HERC1: variants seen among roughly 807,000 people sequenced by gnomAD.
HERC1 encodes the protein probable E3 ubiquitin-protein ligase HERC1.
In HERC1, 160 loss-of-function variants were observed where a neutral mutation model predicts 554.3. The ratio of observed to expected loss-of-function variants is 0.29; its 90% CI spans 0.25 to 0.33. The LOEUF (loss-of-function observed/expected upper bound fraction) is 0.33, where lower values mean the gene tolerates loss of function less well. Among genes scored for constraint, HERC1 ranks in the 10% least tolerant of loss-of-function variants. The pLI, the probability that HERC1 is intolerant of heterozygous loss-of-function variation, is 1.00. For synonymous variants in HERC1, 2,175 were observed against 2,131.7 expected, an observed-to-expected ratio of 1.02 and a Z score of -0.56; for missense variants, 4,919 against 5,918.5, an observed-to-expected ratio of 0.83 and a Z score of 5.54.
Position 63,756,506 on chromosome 15 carries a change from C to G in HERC1, c.1464G>C (p.Gly488=), listed in dbSNP as rs1218914004. The part of the protein sequence containing the change: ...EVFSWGDGDY[G]KLGHGNSSTQ... ...TTGAACTATTTCCATGCCCCAGTTT[C>G]CCATAATCACCATCTCCCCAACTGA... Residue 488 remains glycine, a synonymous_variant, in exon 5 of 78, where the codon GGG becomes GGC. Coordinates refer to ENST00000443617, the MANE Select transcript of HERC1 (RefSeq NM_003922.4). This position sits in a 1 kb window ranked among gnomAD's most constrained non-coding sequence, Gnocchi z 5.0. The G allele has an allele frequency of 2.5e-6, 4 of 1,613,858 alleles. No individual in the cohort carries two copies. The highest frequency in any genetic ancestry group is 2.5e-6 in the Non-Finnish European group (3 of 1,179,856).
chr15:63,824,984 T>C (rs928262727), intron 1 of HERC1, among the ~76,000 whole-genome samples: 1 of 151,776 alleles, frequency 6.6e-6, no homozygotes, highest in African/African-American at 2.4e-5. Context: ...TGCAGTTATG[T>C]AGGATGAATA....
chr15:63,619,961 A>AT (rs1488097853), intron 74 of HERC1, among the ~76,000 whole-genome samples: 20 of 152,056 alleles, frequency 1.3e-4, no homozygotes, highest in Non-Finnish European at 2.8e-4. Flanking sequence ...GGATTCATTG[A>AT]TTTTTTGAAG....
At chr15:63,657,206 T>C (rs1344703610) in intron 48 of HERC1, among the ~76,000 whole-genome samples, 1 of 152,096 alleles carries the variant, frequency 6.6e-6, no homozygotes, top group Admixed American at 6.6e-5. Flanking sequence ...TTTTAAATGT[T>C]TGCCATTCTT....
At chr15:63,773,540 A>T (rs1164424714) in intron 2 of HERC1, among the ~76,000 whole-genome samples, 3 of 147,382 alleles carry the variant, frequency 2.0e-5, no homozygotes, top group Admixed American at 6.8e-5. Context: ...TTTGTATTTT[A>T]TTTTTTTTTA....
chr15:63,686,671 G>A, intron 33 of HERC1, 136 bp from the exon 34 acceptor site: 2 of 672,372 alleles, frequency 3.0e-6, no homozygotes, highest in South Asian at 2.1e-5. Flanking sequence ...CAGGGCAACA[G>A]GAACACAATG....
intron 74 of HERC1, among the ~76,000 whole-genome samples, chr15:63,622,431 C>G (rs145658811): frequency 1.4e-5 from 2 of 147,494 alleles, no homozygotes; most frequent in Non-Finnish European, 3.0e-5. Context: ...GGGTTCAAAT[C>G]AAGTGATTCT....
At chr15:63,789,664 G>A (rs2076571392) in intron 1 of HERC1, among the ~76,000 whole-genome samples, 1 of 151,626 alleles carries the variant, frequency 6.6e-6, no homozygotes, top group Non-Finnish European at 1.5e-5. Context: ...TAGGCGTTGT[G>A]GCGGGCACCT....
At chr15:63,638,857 C>A in intron 61 of HERC1, 81 bp from the exon 62 acceptor site, 1 of 937,758 alleles carries the variant, frequency 1.1e-6, no homozygotes, top group Non-Finnish European at 1.7e-6. Context: ...CTCTTCTAAT[C>A]ATTAAGTCTT....
At position 63,817,778 on chromosome 15, in the gene HERC1, G is replaced by A. The variant is rs532751558; in HGVS notation, c.-27+16049C>T. 1.7e-4 allele frequency among the ~76,000 whole-genome samples: 26 copies of A among 152,222 alleles called. No individual in the cohort carries two copies. The East Asian group carries it at 4.8e-3, about 28-fold the overall frequency. ...AGGGGTGCTAGATAGAAATATAGAT[G>A]AAACAAGACTGCCTATGAGTTGATA... On this transcript the variant is annotated intron_variant, in intron 1 of 77. Coordinates refer to ENST00000443617, the MANE Select transcript of HERC1 (RefSeq NM_003922.4).
At chr15:63,689,893 G>A (rs2072006165) in intron 32 of HERC1, among the ~76,000 whole-genome samples, 194 bp from the exon 33 acceptor site, 1 of 152,138 alleles carries the variant, frequency 6.6e-6, no homozygotes, top group African/African-American at 2.4e-5. Flanking sequence ...GCCAGGCACG[G>A]TGGCTCATGC....
At chr15:63,797,419 T>C (rs575613366) in intron 1 of HERC1, among the ~76,000 whole-genome samples, 4 of 152,344 alleles carry the variant, frequency 2.6e-5, no homozygotes, top group South Asian at 4.1e-4. Flanking sequence ...TTGGTTTTTT[T>C]GTGTTATCTT....
Position 63,641,542 on chromosome 15 carries a change from G to A in HERC1, c.11535C>T (p.Asn3845=). ...AAAATGCTCTCATGCAGGGAGCCAT[G>A]TTCAATCCCAGAACACCCTGCTGTT... ...ALKQQGVLGL[N]MAPCMRAFLE... is the part of the protein sequence containing the mutation. Residue 3845 remains asparagine, a synonymous_variant, in exon 60 of 78, where the codon AAC becomes AAT. Transcript: ENST00000443617. 1 of 1,613,052 alleles carries A rather than the reference G, an allele frequency of 6.2e-7. No individual in the cohort carries two copies.
At chr15:63,780,602 G>T (rs1003541191) in intron 1 of HERC1, 1 of 152,046 alleles carries the variant, frequency 6.6e-6, no homozygotes, top group Non-Finnish European at 1.5e-5. Context: ...GGCACCTGTA[G>T]TCCCAGCTAC....
chr15:63,735,676 TAAAA>T (rs2141129679), intron 12 of HERC1, among the ~76,000 whole-genome samples: 2 of 152,252 alleles, frequency 1.3e-5, no homozygotes, highest in Non-Finnish European at 2.9e-5. Flanking sequence ...TCTTTATCAG[TAAAA>T]ACAGTGTTGG....
intron 43 of HERC1, among the ~76,000 whole-genome samples, chr15:63,663,768 T>C (rs960940239): frequency 2.6e-5 from 4 of 152,152 alleles, no homozygotes; most frequent in Admixed American, 6.5e-5. Context: ...GTTAATCATA[T>C]AGAAAAAAAC....
At chr15:63,770,295 C>T (rs896106118) in intron 2 of HERC1, among the ~76,000 whole-genome samples, 1 of 152,194 alleles carries the variant, frequency 6.6e-6, no homozygotes, top group African/African-American at 2.4e-5. Context: ...AAGACATTTT[C>T]GGTCCCTTTG....
At chr15:63,817,457 G>A (rs1228683263) in intron 1 of HERC1, among the ~76,000 whole-genome samples, 3 of 152,214 alleles carry the variant, frequency 2.0e-5, no homozygotes, top group Non-Finnish European at 4.4e-5. Flanking sequence ...GCTCACACCT[G>A]TAATCCAAAC....
At chr15:63,779,018 A>C (rs1484497396) in intron 1 of HERC1, among the ~76,000 whole-genome samples, 1 of 152,060 alleles carries the variant, frequency 6.6e-6, no homozygotes, top group Non-Finnish European at 1.5e-5. Flanking sequence ...GAAAAAGGCA[A>C]AATTATCTCA....
chr15:63,637,494 G>A lies in HERC1; in HGVS notation c.12232+11C>T. 6.4e-7 allele frequency: 1 copy of A among 1,563,356 alleles called. No homozygotes were observed. The highest frequency in any genetic ancestry group is 8.7e-7 in the Non-Finnish European group (1 of 1,152,208). ...AGGTTCTAACCATCTTTTTATTAAG[G>A]ACAATTTTACCTTGTAAGGCTGAAA... On this transcript the variant is annotated intron_variant, in intron 64 of 77. Coordinates refer to ENST00000443617, the MANE Select transcript of HERC1 (RefSeq NM_003922.4).
Sources: gnomAD v4.1 joint callset for allele counts (sites outside exome capture counted in the v4.1 genomes callset) on GRCh38, gnomAD v4.1.1 for gene constraint, Gnocchi (gnomAD v3.1) non-coding constraint, MANE v1.5 for transcripts, NCBI Gene and HGNC (gene_info 2026-07-23, HGNC 2026-07-21) for gene names.